The following LAMA1 variants were observed in gnomAD, a reference collection of about 807,000 sequenced individuals.
LAMA1 encodes laminin subunit alpha-1.
In LAMA1, 219 loss-of-function variants were observed where a neutral mutation model predicts 348.7. The ratio of observed to expected loss-of-function variants is 0.63; its 90% CI spans 0.56 to 0.70. LAMA1 has a LOEUF of 0.70. LAMA1 is among the 30% of genes least tolerant of loss of function. LAMA1 has a pLI of 0.00. For synonymous variants in LAMA1, 1,487 were observed against 1,491.0 expected (o/e 1.00, Z 0.06); for missense variants, 3,744 against 3,888.0 (o/e 0.96, Z 0.99).
intron 48 of LAMA1, among the ~76,000 whole-genome samples, chr18:6,967,797 C>T (rs566544152): frequency 4.6e-5 from 7 of 152,058 alleles, no homozygotes; most frequent in Admixed American, 6.5e-5. Flanking sequence ...CTCCAGAGCC[C>T]GTGAGCCCTC....
At chr18:7,026,907 T>A (rs534145671) in intron 16 of LAMA1, among the ~76,000 whole-genome samples, 1 of 148,932 alleles carries the variant, frequency 6.7e-6, no homozygotes, top group East Asian at 2.0e-4. Flanking sequence ...TGAGGCAGAA[T>A]GGCGTGAACC....
chr18:6,959,563 T>C (rs904337320), intron 53 of LAMA1, 71 bp from the exon 54 acceptor site: 5 of 1,531,778 alleles, frequency 3.3e-6, no homozygotes, highest in East Asian at 2.3e-5. Context: ...TTTCATCTTA[T>C]GAAGATAACG....
At chr18:7,073,346 A>T (rs1272461072) in intron 3 of LAMA1, among the ~76,000 whole-genome samples, 1 of 152,148 alleles carries the variant, frequency 6.6e-6, no homozygotes, top group Non-Finnish European at 1.5e-5. Flanking sequence ...TTGTGCAATG[A>T]TCACTACCAT....
intron 51 of LAMA1, 83 bp from the exon 52 acceptor site, chr18:6,962,142 C>A (rs1275480539): frequency 3.2e-6 from 3 of 936,734 alleles, no homozygotes; most frequent in Non-Finnish European, 5.3e-6. Context: ...AGCCACTGGG[C>A]AAGGCACAGT....
At chr18:7,039,253 G>A (rs566773317) in intron 10 of LAMA1, among the ~76,000 whole-genome samples, 18 of 152,102 alleles carry the variant, frequency 1.2e-4, no homozygotes, top group Non-Finnish European at 2.5e-4. Context: ...AAAATCTGAA[G>A]AGAGCTATAG....
intron 48 of LAMA1, among the ~76,000 whole-genome samples, chr18:6,969,381 C>T (rs191418431): frequency 8.8e-4 from 134 of 152,278 alleles, no homozygotes; most frequent in Non-Finnish European, 1.4e-3. Context: ...TTGGGAAATG[C>T]TGCAACTCTA....
intron 1 of LAMA1, among the ~76,000 whole-genome samples, chr18:7,096,416 C>CCTAT (rs1340722534): frequency 2.0e-5 from 3 of 152,146 alleles, no homozygotes; most frequent in Non-Finnish European, 4.4e-5. Flanking sequence ...GTGGCTCACA[C>CCTAT]CTATAATCCC....
intron 62 of LAMA1, among the ~76,000 whole-genome samples, chr18:6,942,728 T>C (rs1393505489): frequency 1.3e-5 from 2 of 152,194 alleles, no homozygotes; most frequent in Non-Finnish European, 2.9e-5. Flanking sequence ...ACTTTTAATA[T>C]ATAAAATTTT....
At chr18:7,049,352 T>C (rs538818055) in intron 4 of LAMA1, 95 bp from the exon 5 acceptor site, 1 of 1,136,130 alleles carries the variant, frequency 8.8e-7, no homozygotes, top group South Asian at 1.3e-5. Context: ...CAGGCTGGAG[T>C]GCAGTGGCAC....
chr18:6,955,778 C>T (rs2057573809), intron 56 of LAMA1: 2 of 439,328 alleles, frequency 4.6e-6, no homozygotes, highest in South Asian at 4.0e-5. Flanking sequence ...TGCTGTCCCC[C>T]TAGGCCCCCG....
Position 7,040,171 on chromosome 18 carries a change from G to C in LAMA1, c.1327C>G (p.Leu443Val). ...YTGEKCDRCQ[L>V]GYKDYPTCVS... is the part of the protein sequence containing the mutation. Reference sequence around the variant, plus strand: ...CAGGTCGGGTAATCCTTATAGCCAAGTTGGCAGCGATCACATTTTTCTCCT... The same window carrying C: ...CAGGTCGGGTAATCCTTATAGCCAACTTGGCAGCGATCACATTTTTCTCCT... The change falls in exon 10 of 63, where the codon CTT (leucine) becomes GTT (valine). Residue 443 changes from leucine to valine, a missense_variant. Physicochemically the swap from Leu to Val is conservative, Grantham distance 32. This residue lies in a region of LAMA1 where 1,529 missense variants were observed against 1,689.4 expected (regional missense o/e 0.91). Coordinates refer to ENST00000389658, the MANE Select transcript of LAMA1 (RefSeq NM_005559.4). 6.2e-7 allele frequency: 1 copy of C among 1,614,116 alleles called. No individual in the cohort carries two copies. Among genetic ancestry groups the C allele is most frequent in the South Asian group, 1.1e-5 (1 of 91,076 alleles).
intron 36 of LAMA1, among the ~76,000 whole-genome samples, chr18:6,988,829 A>AT: frequency 6.6e-6 from 1 of 151,510 alleles, no homozygotes. Context: ...AAAAAAAAAA[A>AT]ATCTTTTAAT....
In LAMA1 at chr18:6,956,776, A is replaced by G. The variant is rs752177142; in HGVS notation, c.7965-11T>C. 1.2e-6 allele frequency: 2 copies of G among 1,614,130 alleles called. No homozygotes were observed. The highest frequency in any genetic ancestry group is 1.7e-6 in the Non-Finnish European group (2 of 1,180,014). On this transcript the variant is annotated splice_polypyrimidine_tract_variant and intron_variant, in intron 55 of 62. Transcript: ENST00000389658. ...TTGAAATCCAAAAGTCTAGGTAGAA[A>G]CAAGAGAGTGTTTTCAAAATTAGGA...
Position 7,007,126 on chromosome 18 carries a change from C to A in LAMA1, c.4260+13G>T. On this transcript the variant is annotated intron_variant, in intron 29 of 62. Coordinates refer to ENST00000389658, the MANE Select transcript of LAMA1 (RefSeq NM_005559.4). Reference sequence around the variant, plus strand: ...TTCTAAACTCAGGCAAGCACCCCCACAAACCAGCATACCAGACACTTCCCG... The same window carrying A: ...TTCTAAACTCAGGCAAGCACCCCCAAAAACCAGCATACCAGACACTTCCCG... The A allele has an allele frequency of 1.2e-6, 2 of 1,613,702 alleles. No homozygotes were observed. Among genetic ancestry groups the A allele is most frequent in the Non-Finnish European group, 1.7e-6 (2 of 1,179,910 alleles).
chr18:7,063,992 T>A (rs1361653088), intron 3 of LAMA1, among the ~76,000 whole-genome samples: 1 of 152,088 alleles, frequency 6.6e-6, no homozygotes, highest in African/African-American at 2.4e-5. Flanking sequence ...ATGGTTAAAA[T>A]GGCTCCCACT....
chr18:6,975,917 T>G lies in LAMA1; in HGVS notation c.6489+20A>C. 6.2e-7 allele frequency: 1 copy of G among 1,614,010 alleles called. No individual in the cohort carries two copies. Among genetic ancestry groups the G allele is most frequent in the Non-Finnish European group, 8.5e-7 (1 of 1,179,996 alleles). On this transcript the variant is annotated intron_variant, in intron 45 of 62. Transcript: ENST00000389658. ...GTGCATAAAAGATTCAGTGTCGCTT[T>G]CCAAAGGTCCATAACTTACAGCGGT...
intron 3 of LAMA1, among the ~76,000 whole-genome samples, chr18:7,064,437 G>A (rs1300003935): frequency 2.0e-5 from 3 of 152,148 alleles, no homozygotes; most frequent in Non-Finnish European, 2.9e-5. Context: ...ACAGCTCCGA[G>A]GGGATGTTTG....
intron 33 of LAMA1, among the ~76,000 whole-genome samples, chr18:6,997,465 T>C (rs541976528): frequency 6.6e-6 from 1 of 152,130 alleles, no homozygotes; most frequent in Non-Finnish European, 1.5e-5. Flanking sequence ...AAAGGCAGAA[T>C]GAGGGCCACA....
intron 1 of LAMA1, among the ~76,000 whole-genome samples, chr18:7,101,029 A>G (rs1005644213): frequency 6.6e-6 from 1 of 151,908 alleles, no homozygotes. Flanking sequence ...CTGTCTCAAA[A>G]AAAAGACTCC....
Sources: gnomAD v4.1 joint callset for allele counts (sites outside exome capture counted in the v4.1 genomes callset) on GRCh38, gnomAD v4.1.1 for gene constraint, gnomAD v4.1.1 regional missense constraint, MANE v1.5 for transcripts, NCBI Gene and HGNC (gene_info 2026-07-23, HGNC 2026-07-21) for gene names.